The following NT5C2 variants were observed in gnomAD, a reference collection of about 807,000 sequenced individuals.
The protein encoded by NT5C2 is 5'-nucleotidase, cytosolic II, also known as cytosolic purine 5'-nucleotidase.
A neutral mutation model predicts 76.1 loss-of-function variants in NT5C2; 58 were observed. The observed-to-expected ratio is 0.76, with a 90% CI of 0.62 to 0.95. The LOEUF (loss-of-function observed/expected upper bound fraction) is 0.95, where lower values mean the gene tolerates loss of function less well. Ranked by LOEUF, NT5C2 falls within the 40% of genes least tolerant of loss-of-function variation. The pLI is 0.00. For synonymous variants in NT5C2, 229 were observed against 237.4 expected (o/e 0.96, Z 0.32); for missense variants, 478 against 690.3 (o/e 0.69, Z 3.45).
At chr10:103,118,945 G>A (rs2075052899) in intron 4 of NT5C2, among the ~76,000 whole-genome samples, 1 of 151,828 alleles carries the variant, frequency 6.6e-6, no homozygotes, top group South Asian at 2.1e-4. Context: ...AAACTCTTAA[G>A]AAAAAAGATC....
At chr10:103,100,704 G>A (rs1342885867) in intron 8 of NT5C2, 1 of 503,410 alleles carries the variant, frequency 2.0e-6, no homozygotes, top group Admixed American at 2.3e-5. Context: ...GAAATGAGTT[G>A]GGGGGTTTTA....
chr10:103,165,800 T>C (rs1016903118), intron 3 of NT5C2, among the ~76,000 whole-genome samples: 4 of 152,084 alleles, frequency 2.6e-5, no homozygotes, highest in Admixed American at 6.5e-5. Context: ...GCCTCCCCAG[T>C]AGCTGGGATT....
Position 103,150,729 on chromosome 10 carries a change from A to G in NT5C2, c.102-11250T>C, listed in dbSNP as rs1310779436. The stretch of plus-strand genomic sequence containing the variant: ...CTATAGTTTTAATTTGTATTTCCCT[A>G]ATGACCAATAACATCTTTTCAAATC... On this transcript the variant is annotated intron_variant, in intron 3 of 18. Transcript: ENST00000404739. Among the ~76,000 whole-genome samples the G allele has an allele frequency of 5.9e-5, 9 of 152,198 alleles. No individual in the cohort carries two copies. The East Asian group carries it at 1.7e-3, about 29-fold the overall frequency.
chr10:103,140,229 G>A (rs769495006), intron 3 of NT5C2: 1 of 152,008 alleles, frequency 6.6e-6, no homozygotes, highest in Non-Finnish European at 1.5e-5. Context: ...TCCAATCACT[G>A]CTTTGCTCTT....
intron 1 of NT5C2, among the ~76,000 whole-genome samples, chr10:103,191,795 G>T (rs1273120692): frequency 6.6e-6 from 1 of 150,854 alleles, no homozygotes; most frequent in Non-Finnish European, 1.5e-5. Flanking sequence ...CTGGGTCAAT[G>T]AGAGTAATGC....
chr10:103,117,648 A>AAAC lies in NT5C2; in HGVS notation c.176-10945_176-10943dup, dbSNP rs367919393. ...GGTGACAGAGCAAGAACCTGTCTCAAAACAACAACAACAACAAACAATATG... is the reference window on the plus strand; with the variant it reads ...GGTGACAGAGCAAGAACCTGTCTCAAAACAACAACAACAACAACAAACAATATG... On this transcript the variant is annotated intron_variant, in intron 4 of 18. Coordinates refer to ENST00000404739, the MANE Select transcript of NT5C2 (RefSeq NM_001351169.2). Among the ~76,000 whole-genome samples the AAAC allele has an allele frequency of 5.1e-3, 779 of 152,260 alleles. 7 individuals are homozygous for AAAC. The highest frequency in any genetic ancestry group is 0.01 in the Middle Eastern group (3 of 294).
At chr10:103,158,958 T>C (rs1435232610) in intron 3 of NT5C2, among the ~76,000 whole-genome samples, 1 of 152,100 alleles carries the variant, frequency 6.6e-6, no homozygotes, top group African/African-American at 2.4e-5. Flanking sequence ...GTACAAGACT[T>C]GTACACTAAA....
intron 4 of NT5C2, among the ~76,000 whole-genome samples, chr10:103,123,891 G>C (rs865786011): frequency 1.3e-5 from 2 of 152,120 alleles, no homozygotes; most frequent in African/African-American, 4.8e-5. Context: ...AAATGAGCCA[G>C]TAAGCCAAGT....
chr10:103,111,973 T>C (rs1050328197), intron 4 of NT5C2, among the ~76,000 whole-genome samples: 1 of 152,214 alleles, frequency 6.6e-6, no homozygotes, highest in Non-Finnish European at 1.5e-5. Flanking sequence ...AAAATTAGCC[T>C]AATTGGCCAT....
rs563993367 is a variant in NT5C2 at position 103,141,005 on chromosome 10, C to G, written c.102-1526G>C. Among the ~76,000 whole-genome samples, 186 of 152,276 alleles carry G rather than the reference C, an allele frequency of 1.2e-3. 1 individual carries two copies. Among genetic ancestry groups the G allele is most frequent in the African/African-American group, 4.0e-3 (166 of 41,566 alleles). ...TTGTTTCTCCTTTGCTGCGCAGAAG[C>G]TTTTTAGTTTGAGGTAGTCCCACTT... On this transcript the variant is annotated intron_variant, in intron 3 of 18. Coordinates refer to ENST00000404739, the MANE Select transcript of NT5C2 (RefSeq NM_001351169.2).
intron 4 of NT5C2, among the ~76,000 whole-genome samples, chr10:103,138,275 T>C (rs2079679233): frequency 1.3e-5 from 2 of 152,178 alleles, no homozygotes; most frequent in Admixed American, 6.5e-5. Flanking sequence ...TTTTGGGGTT[T>C]GTTTGTTTTT....
At chr10:103,093,672 G>A (rs566991166) in intron 14 of NT5C2, 9 of 398,458 alleles carry the variant, frequency 2.3e-5, no homozygotes, top group African/African-American at 4.0e-5. Flanking sequence ...AACTCCTTGA[G>A]AAACCCTTGA....
intron 12 of NT5C2, 39 bp downstream of exon 12, chr10:103,095,900 T>C (rs751281709): frequency 1.3e-6 from 2 of 1,548,522 alleles, no homozygotes; most frequent in South Asian, 1.1e-5. Flanking sequence ...ATGCATTCAT[T>C]GTTATTAAAG....
At chr10:103,134,909 G>GC (rs1484653705) in intron 4 of NT5C2, among the ~76,000 whole-genome samples, 1 of 152,202 alleles carries the variant, frequency 6.6e-6, no homozygotes, top group African/African-American at 2.4e-5. Context: ...AGATTTGACT[G>GC]CCCCACTGGA....
intron 3 of NT5C2, among the ~76,000 whole-genome samples, chr10:103,142,107 G>A (rs1252815437): frequency 6.6e-6 from 1 of 152,000 alleles, no homozygotes; most frequent in East Asian, 1.9e-4. Flanking sequence ...CTTTGGTTTT[G>A]CTTCTGTTTG....
chr10:103,112,561 T>C lies in NT5C2; in HGVS notation c.176-5855A>G, dbSNP rs369204532. Among the ~76,000 whole-genome samples the C allele has an allele frequency of 5.9e-5, 9 of 152,240 alleles. No homozygotes were observed. In the East Asian group the frequency reaches 1.2e-3, roughly 20 times the overall value. ...ACTGACACTTTAAAGATATGCATTA[T>C]GTTTAACTTTATAGGGAGTCATTTT... On this transcript the variant is annotated intron_variant, in intron 4 of 18. Coordinates refer to ENST00000404739, the MANE Select transcript of NT5C2 (RefSeq NM_001351169.2).
chr10:103,180,996 G>C (rs1201438470), intron 2 of NT5C2, among the ~76,000 whole-genome samples, 189 bp downstream of exon 2: 1 of 152,102 alleles, frequency 6.6e-6, no homozygotes, highest in Non-Finnish European at 1.5e-5. Context: ...TAATCTGACA[G>C]AACACAGACC....
At chr10:103,190,934 G>C (rs1677297884) in intron 1 of NT5C2, among the ~76,000 whole-genome samples, 2 of 152,138 alleles carry the variant, frequency 1.3e-5, no homozygotes, top group Non-Finnish European at 2.9e-5. Context: ...ATATTGGTAA[G>C]AGCAAAATCC....
At chr10:103,139,299 G>T in intron 4 of NT5C2, 107 bp downstream of exon 4, 1 of 612,242 alleles carries the variant, frequency 1.6e-6, no homozygotes. Flanking sequence ...GCTTCTGGCA[G>T]CCAAATACAT....
Sources: allele counts gnomAD v4.1 joint callset (sites outside exome capture counted in the v4.1 genomes callset), GRCh38; gene constraint gnomAD v4.1.1; transcripts MANE v1.5; gene names NCBI Gene and HGNC (gene_info 2026-07-23, HGNC 2026-07-21).